CELF2: variants seen among roughly 807,000 people sequenced by gnomAD.
CELF2 encodes the protein CUGBP Elav-like family member 2, also known as CUG triplet repeat RNA-binding protein 2.
CELF2 carries 8 observed loss-of-function variants against 62.6 expected under a neutral mutation model. The ratio of observed to expected loss-of-function variants is 0.13; its 90% CI spans 0.07 to 0.23. CELF2 has a LOEUF of 0.23. Ranked by LOEUF, CELF2 falls within the 10% of genes least tolerant of loss-of-function variation. The pLI is 1.00. For missense variants in CELF2, 333 were observed against 671.0 expected, an observed-to-expected ratio of 0.50 and a Z score of 5.56; for synonymous variants, 258 against 250.0, an observed-to-expected ratio of 1.03 and a Z score of -0.30.
intron 1 of CELF2, chr10:11,102,315 A>G (rs2142628589): frequency 6.6e-6 from 1 of 152,376 alleles, no homozygotes; most frequent in Admixed American, 6.5e-5. Context: ...TAATCAATTA[A>G]AAGAGAAAGG....
the CELF2 span, among the ~76,000 whole-genome samples, chr10:10,745,708 T>A: frequency 6.6e-6 from 1 of 152,230 alleles, no homozygotes; most frequent in Admixed American, 6.5e-5. Flanking sequence ...CTCTGCCTAA[T>A]GGAGGGTGAC....
chr10:10,493,269 G>A, the CELF2 span, among the ~76,000 whole-genome samples: 1 of 152,112 alleles, frequency 6.6e-6, no homozygotes, highest in South Asian at 2.1e-4. Flanking sequence ...GATTGCCAGG[G>A]TCTGGGGAGA....
At chr10:11,141,953 T>C (rs980296048) in intron 1 of CELF2, among the ~76,000 whole-genome samples, 2 of 152,234 alleles carry the variant, frequency 1.3e-5, no homozygotes, top group African/African-American at 2.4e-5. Context: ...GATGAAGTCA[T>C]GTCCTGTAGC....
chr10:10,644,259 A>G, the CELF2 span, among the ~76,000 whole-genome samples: 1 of 152,342 alleles, frequency 6.6e-6, no homozygotes, highest in East Asian at 1.9e-4. Flanking sequence ...ATTTCTTGAT[A>G]GGGGTCCTTG....
the CELF2 span, among the ~76,000 whole-genome samples, chr10:10,481,571 T>C: frequency 1.3e-5 from 2 of 152,198 alleles, no homozygotes; most frequent in African/African-American, 4.8e-5. Flanking sequence ...GATTTGAAGA[T>C]GGCATCTCAC....
intron 3 of CELF2, among the ~76,000 whole-genome samples, chr10:11,229,533 C>A (rs1189115946): frequency 6.6e-6 from 1 of 152,116 alleles, no homozygotes; most frequent in African/African-American, 2.4e-5. Flanking sequence ...GCTTTTAAAA[C>A]TGTGTATGCC....
intron 1 of CELF2, among the ~76,000 whole-genome samples, chr10:10,828,022 AAAG>A (rs943255561): frequency 1.3e-5 from 2 of 150,920 alleles, no homozygotes; most frequent in African/African-American, 4.8e-5. Context: ...AAAAAAAAAA[AAAG>A]CAGAAAATAA....
At chr10:10,585,642 C>T in the CELF2 span, among the ~76,000 whole-genome samples, 12 of 152,152 alleles carry the variant, frequency 7.9e-5, no homozygotes, top group East Asian at 7.7e-4. Context: ...TTTTTGATTA[C>T]GCTCCCTTTG....
chr10:10,535,119 A>G, the CELF2 span, among the ~76,000 whole-genome samples: 8 of 152,206 alleles, frequency 5.3e-5, no homozygotes, highest in Non-Finnish European at 1.2e-4. Flanking sequence ...CCAGAGTGTT[A>G]GAGAAGTTGA....
chr10:10,974,054 C>G (rs190968186), intron 2 of CELF2, among the ~76,000 whole-genome samples: 16 of 152,252 alleles, frequency 1.1e-4, no homozygotes, highest in Admixed American at 1.0e-3. Flanking sequence ...ACATCTATAC[C>G]AGAATCTCAG....
At chr10:10,480,042 G>A in the CELF2 span, among the ~76,000 whole-genome samples, 1 of 152,110 alleles carries the variant, frequency 6.6e-6, no homozygotes, top group Non-Finnish European at 1.5e-5. Flanking sequence ...ATGATTTCTG[G>A]CATCTAGAAT....
the CELF2 span, among the ~76,000 whole-genome samples, chr10:10,652,958 T>A: frequency 6.6e-6 from 1 of 152,102 alleles, no homozygotes; most frequent in Non-Finnish European, 1.5e-5. Flanking sequence ...CAGTGTGCTG[T>A]ACTCAGGAAA....
the CELF2 span, among the ~76,000 whole-genome samples, chr10:10,729,083 A>G: frequency 6.6e-6 from 1 of 152,218 alleles, no homozygotes; most frequent in Non-Finnish European, 1.5e-5. Context: ...TAAAATATCA[A>G]TGACAGATGT....
chr10:10,989,637 G>A (rs2053207877), intron 2 of CELF2, among the ~76,000 whole-genome samples: 1 of 151,936 alleles, frequency 6.6e-6, no homozygotes, highest in South Asian at 2.1e-4. Flanking sequence ...GACTTTTTAT[G>A]TTAAATAAAA....
intron 1 of CELF2, among the ~76,000 whole-genome samples, chr10:11,109,119 T>A (rs1455889864): frequency 1.3e-5 from 2 of 152,242 alleles, no homozygotes; most frequent in African/African-American, 4.8e-5. Flanking sequence ...ATATCTCATA[T>A]GTAGATGTTT....
the CELF2 span, among the ~76,000 whole-genome samples, chr10:10,622,992 A>G: frequency 1.4e-5 from 2 of 145,252 alleles, no homozygotes; most frequent in African/African-American, 2.5e-5. Context: ...AGGCTGAGGC[A>G]GGAGAATGGC....
the CELF2 span, among the ~76,000 whole-genome samples, chr10:10,540,921 A>T: frequency 6.6e-6 from 1 of 152,120 alleles, no homozygotes; most frequent in East Asian, 1.9e-4. Context: ...GCAGTGGCTC[A>T]TGCCTGTAAT....
At chr10:11,127,029 A>G (rs1242999722) in intron 1 of CELF2, among the ~76,000 whole-genome samples, 1 of 151,916 alleles carries the variant, frequency 6.6e-6, no homozygotes, top group Non-Finnish European at 1.5e-5. Context: ...TATTTCTCCT[A>G]ATGCTATCTG....
chr10:10,870,518 G>A (rs917750433), intron 1 of CELF2, among the ~76,000 whole-genome samples: 1 of 152,154 alleles, frequency 6.6e-6, no homozygotes, highest in Non-Finnish European at 1.5e-5. Flanking sequence ...CGAAATACCA[G>A]TAAATAACAA....
Sources: gnomAD v4.1 joint callset for allele counts (sites outside exome capture counted in the v4.1 genomes callset) on GRCh38, gnomAD v4.1.1 for gene constraint, MANE v1.5 for transcripts, NCBI Gene and HGNC (gene_info 2026-07-23, HGNC 2026-07-21) for gene names.